MYCBP2: variants seen among roughly 807,000 people sequenced by gnomAD.
The protein encoded by MYCBP2 is MYC binding protein 2.
In MYCBP2, 120 loss-of-function variants were observed where a neutral mutation model predicts 525.3. The ratio of observed to expected loss-of-function variants is 0.23; its 90% confidence interval spans 0.20 to 0.27. The LOEUF (loss-of-function observed/expected upper bound fraction) is 0.27. Ranked by LOEUF, MYCBP2 falls within the 10% of genes least tolerant of loss-of-function variation. The pLI, the probability that MYCBP2 is intolerant of heterozygous loss-of-function variation, is 1.00. For synonymous variants in MYCBP2, 1,894 were observed against 1,955.8 expected, an observed-to-expected ratio of 0.97 and a Z score of 0.83; for missense variants, 4,149 against 5,657.1, an observed-to-expected ratio of 0.73 and a Z score of 8.55.
At chr13:77,114,695 T>G (rs1404292720) in intron 55 of MYCBP2, among the ~76,000 whole-genome samples, 1 of 152,070 alleles carries the variant, frequency 6.6e-6, no homozygotes, top group African/African-American at 2.4e-5. Context: ...TTTTGACATA[T>G]ATCATATATT....
chr13:77,165,942 T>C (rs190845775), intron 41 of MYCBP2, among the ~76,000 whole-genome samples: 1 of 152,328 alleles, frequency 6.6e-6, no homozygotes, highest in Non-Finnish European at 1.5e-5. Context: ...GGTTTACGAA[T>C]TCTCTTACAA....
rs745903802 is a variant in MYCBP2, at chr13:77,218,009, A to G, written c.2940-52T>C. 32 of 1,239,372 alleles carry G rather than the reference A, an allele frequency of 2.6e-5. 1 individual carries two copies. The highest frequency in any genetic ancestry group is 2.5e-4 in the Admixed American group (12 of 47,928). 76.8% of individuals were successfully genotyped at this position (1,239,372 alleles called of 1,614,324 possible). On this transcript the variant is annotated intron_variant, in intron 20 of 82. Transcript: ENST00000544440. ...CAATTTCTTACAAAACTCAACTAAA[A>G]TAAAAACAATAAGTAAGCAATGCAA...
chr13:77,236,522 C>T (rs144104931), intron 17 of MYCBP2, among the ~76,000 whole-genome samples: 12 of 152,202 alleles, frequency 7.9e-5, no homozygotes, highest in South Asian at 2.1e-4. Flanking sequence ...TAAAGGATTT[C>T]ACCTCAAAGG....
chr13:77,316,555 T>C (rs1269607880), intron 1 of MYCBP2, among the ~76,000 whole-genome samples: 1 of 152,214 alleles, frequency 6.6e-6, no homozygotes, highest in Non-Finnish European at 1.5e-5. Flanking sequence ...CAATTAGGAT[T>C]CACTTGCTTC....
chr13:77,293,398 T>G (rs1323611863), intron 2 of MYCBP2, among the ~76,000 whole-genome samples: 1 of 152,196 alleles, frequency 6.6e-6, no homozygotes, highest in Non-Finnish European at 1.5e-5. Flanking sequence ...TGGCAGCACA[T>G]GGAACTCACC....
intron 44 of MYCBP2, among the ~76,000 whole-genome samples, chr13:77,158,688 T>C (rs1243219995): frequency 6.6e-6 from 1 of 152,098 alleles, no homozygotes; most frequent in Non-Finnish European, 1.5e-5. Flanking sequence ...CCTCAAGTAA[T>C]CCTCCCACCT....
intron 32 of MYCBP2, 123 bp downstream of exon 32, chr13:77,184,980 C>T (rs535417117): frequency 8.3e-6 from 8 of 965,620 alleles, no homozygotes; most frequent in Admixed American, 2.9e-5. Flanking sequence ...TCATGTACAC[C>T]GAATGATTTC....
At chr13:77,300,341 T>C (rs759073438) in intron 1 of MYCBP2, among the ~76,000 whole-genome samples, 5 of 152,216 alleles carry the variant, frequency 3.3e-5, no homozygotes, top group Non-Finnish European at 7.3e-5. Flanking sequence ...CTGTTGCAAC[T>C]ACTCAATGGT....
chr13:77,262,840 A>C (rs1010996359), intron 10 of MYCBP2, among the ~76,000 whole-genome samples: 1 of 152,036 alleles, frequency 6.6e-6, no homozygotes, highest in African/African-American at 2.4e-5. Flanking sequence ...AAAAATTTTA[A>C]ATCTGTAATT....
chr13:77,236,898 A>G (rs1313590769), intron 17 of MYCBP2, among the ~76,000 whole-genome samples: 2 of 152,076 alleles, frequency 1.3e-5, no homozygotes, highest in Non-Finnish European at 2.9e-5. Context: ...TAAATAAATA[A>G]AAGAATAATG....
At chr13:77,247,134 A>G (rs898342525) in intron 15 of MYCBP2, among the ~76,000 whole-genome samples, 1 of 152,196 alleles carries the variant, frequency 6.6e-6, no homozygotes, top group Non-Finnish European at 1.5e-5. Context: ...AAAGAAATAA[A>G]GGTCATCCAA....
intron 55 of MYCBP2, among the ~76,000 whole-genome samples, chr13:77,112,173 A>C (rs9544419): frequency 0.17 from 25,264 of 151,662 alleles, 2,424 homozygotes; most frequent in South Asian, 0.41. Context: ...ACTTAGAAAA[A>C]AGAGCTCCCA....
intron 26 of MYCBP2, among the ~76,000 whole-genome samples, chr13:77,199,298 C>T (rs559002979): frequency 1.2e-4 from 19 of 152,326 alleles, no homozygotes; most frequent in African/African-American, 2.9e-4. Context: ...CCTGGAAAAT[C>T]GGGTCACTCC....
intron 15 of MYCBP2, 119 bp from the exon 16 acceptor site, chr13:77,244,070 G>C: frequency 9.2e-7 from 1 of 1,087,536 alleles, no homozygotes; most frequent in Non-Finnish European, 1.3e-6. Context: ...AGTAAGCAAT[G>C]AAATCACCTC....
intron 26 of MYCBP2, among the ~76,000 whole-genome samples, chr13:77,204,714 A>G (rs2063095739): frequency 7.7e-6 from 1 of 129,906 alleles, no homozygotes; most frequent in African/African-American, 2.9e-5. Flanking sequence ...AATACTATGC[A>G]GCCATAAAAA....
chr13:77,296,449 T>C, intron 2 of MYCBP2, 150 bp downstream of exon 2: 2 of 816,212 alleles, frequency 2.5e-6, no homozygotes, highest in Non-Finnish European at 3.5e-6. Context: ...AAGATGAAAC[T>C]AAAAGAGGAA....
At chr13:77,274,399 T>C (rs567525584) in intron 4 of MYCBP2, among the ~76,000 whole-genome samples, 1 of 152,120 alleles carries the variant, frequency 6.6e-6, no homozygotes, top group Admixed American at 6.5e-5. Context: ...GAACGGAGAC[T>C]TGAAAATCCT....
At chr13:77,057,621 CTGGGGGATAATCTAA>C (rs2038380914) in intron 78 of MYCBP2, among the ~76,000 whole-genome samples, 3 of 152,260 alleles carry the variant, frequency 2.0e-5, no homozygotes, top group African/African-American at 7.2e-5. Flanking sequence ...GCCTTAGCTA[CTGGGGGATAATCTAA>C]TTATTTCCCC....
At position 77,287,129 on chromosome 13, in the gene MYCBP2, C is replaced by T. The variant is rs566713033; in HGVS notation, c.594+1032G>A. On this transcript the variant is annotated intron_variant, in intron 3 of 82. Transcript: ENST00000544440. ...GTCTCGATCTCCTGACCTCGTGATC[C>T]GCCCGCCTTGGCCTCCCAAAGAGCT... 1.3e-4 allele frequency among the ~76,000 whole-genome samples: 19 copies of T among 151,030 alleles called. 1 individual carries two copies. The South Asian group carries it at 3.8e-3, about 30-fold the overall frequency.
Sources: gnomAD v4.1 joint callset for allele counts (sites outside exome capture counted in the v4.1 genomes callset) on GRCh38, gnomAD v4.1.1 for gene constraint, MANE v1.5 for transcripts, NCBI Gene and HGNC (gene_info 2026-07-23, HGNC 2026-07-21) for gene names.